CSMD1: variants seen among roughly 807,000 people sequenced by gnomAD.
CSMD1 encodes CUB and sushi domain-containing protein 1.
CSMD1 carries 213 observed loss-of-function variants against 417.5 expected under a neutral mutation model. That is an observed-to-expected ratio of 0.51 (90% CI 0.46 to 0.57). The LOEUF (loss-of-function observed/expected upper bound fraction) is 0.57, where lower values mean the gene tolerates loss of function less well. CSMD1 is among the 20% of genes least tolerant of loss of function. CSMD1 has a pLI of 0.00. For missense variants in CSMD1, 6,923 were observed against 4,529.7 expected, an observed-to-expected ratio of 1.53 and a Z score of -15.17; for synonymous variants, 2,862 against 1,736.8, an observed-to-expected ratio of 1.65 and a Z score of -16.11.
chr8:4,246,741 TTAAA>T (rs1253097542), intron 3 of CSMD1, among the ~76,000 whole-genome samples: 1 of 152,132 alleles, frequency 6.6e-6, no homozygotes, highest in Non-Finnish European at 1.5e-5. Flanking sequence ...TTGTATTTAT[TTAAA>T]TAAAGAAAAC....
At chr8:4,271,014 G>A (rs185923086) in intron 3 of CSMD1, among the ~76,000 whole-genome samples, 130 of 152,314 alleles carry the variant, frequency 8.5e-4, no homozygotes, top group African/African-American at 3.0e-3. Flanking sequence ...TATGAGAGCA[G>A]GTCCTAGTGG....
chr8:4,236,026 G>GTTTTTTTT (rs147378202), intron 3 of CSMD1, among the ~76,000 whole-genome samples: 4 of 108,086 alleles, frequency 3.7e-5, no homozygotes, highest in African/African-American at 1.7e-4. Context: ...AATGGATATT[G>GTTTTTTTT]TTTTTTTTGT....
intron 3 of CSMD1, among the ~76,000 whole-genome samples, chr8:4,128,050 T>A (rs114262958): frequency 0.028 from 4,261 of 152,224 alleles, 202 homozygotes; most frequent in African/African-American, 0.096. Context: ...ATTTATAACA[T>A]CTCAAGAGCA....
chr8:4,410,981 T>C (rs761202621), intron 3 of CSMD1, among the ~76,000 whole-genome samples: 6 of 152,188 alleles, frequency 3.9e-5, no homozygotes, highest in Non-Finnish European at 8.8e-5. Flanking sequence ...TGGATTGTTA[T>C]ACAGTGAGGT....
At chr8:4,381,563 G>T (rs1030007333) in intron 3 of CSMD1, among the ~76,000 whole-genome samples, 8 of 152,018 alleles carry the variant, frequency 5.3e-5, no homozygotes, top group South Asian at 2.1e-4. Flanking sequence ...AGATATGATT[G>T]CAATTCTGCC....
chr8:4,984,475 T>C (rs533290497), intron 1 of CSMD1, among the ~76,000 whole-genome samples: 7 of 152,272 alleles, frequency 4.6e-5, no homozygotes, highest in Middle Eastern at 3.4e-3. Flanking sequence ...ATAGGACCAT[T>C]TACCTGCTTG....
intron 11 of CSMD1, among the ~76,000 whole-genome samples, chr8:3,472,927 C>A (rs1032764023): frequency 1.3e-5 from 2 of 152,004 alleles, no homozygotes; most frequent in Admixed American, 6.5e-5. Flanking sequence ...ATGTTTTTCA[C>A]ACCACTGTTT....
At chr8:3,242,707 A>G (rs1430695618) in intron 26 of CSMD1, among the ~76,000 whole-genome samples, 8 of 151,960 alleles carry the variant, frequency 5.3e-5, no homozygotes, top group Non-Finnish European at 8.8e-5. Flanking sequence ...AAGGTTGCCC[A>G]TAGTGAAGGA....
intron 5 of CSMD1, among the ~76,000 whole-genome samples, chr8:3,870,835 C>T (rs896099726): frequency 2.0e-4 from 30 of 152,190 alleles, no homozygotes; most frequent in African/African-American, 6.7e-4. Flanking sequence ...GAAGCATCTC[C>T]AACATTAACA....
At chr8:3,353,561 C>T (rs994377890) in intron 21 of CSMD1, among the ~76,000 whole-genome samples, 4 of 152,168 alleles carry the variant, frequency 2.6e-5, no homozygotes, top group East Asian at 3.9e-4. Flanking sequence ...GGGCAGTATC[C>T]CGTAGGACGT....
At chr8:3,360,997 G>A (rs1412510311) in intron 20 of CSMD1, among the ~76,000 whole-genome samples, 1 of 152,052 alleles carries the variant, frequency 6.6e-6, no homozygotes, top group Non-Finnish European at 1.5e-5. Flanking sequence ...AAGCTCTGAG[G>A]TGGATACTTT....
At chr8:4,840,352 G>C (rs1049039010) in intron 1 of CSMD1, among the ~76,000 whole-genome samples, 1 of 152,208 alleles carries the variant, frequency 6.6e-6, no homozygotes, top group Non-Finnish European at 1.5e-5. Flanking sequence ...ATGCAATGAT[G>C]ATAACTGTAT....
chr8:3,109,579 C>A (rs750319), intron 43 of CSMD1, among the ~76,000 whole-genome samples: 4,490 of 152,186 alleles, frequency 0.03, 220 homozygotes, highest in African/African-American at 0.1. Flanking sequence ...CCATATCTGG[C>A]CTTGGAGCTC....
chr8:3,693,420 A>G (rs963367388), intron 7 of CSMD1, among the ~76,000 whole-genome samples: 3 of 152,132 alleles, frequency 2.0e-5, no homozygotes, highest in Non-Finnish European at 2.9e-5. Flanking sequence ...TAGGCTGACA[A>G]TTGTGGGTGG....
intron 3 of CSMD1, among the ~76,000 whole-genome samples, chr8:4,359,234 T>A (rs920887639): frequency 2.0e-5 from 3 of 152,204 alleles, no homozygotes; most frequent in African/African-American, 7.2e-5. Context: ...GGGGTGTCCC[T>A]CCTTCTGAGA....
intron 1 of CSMD1, among the ~76,000 whole-genome samples, chr8:4,855,516 A>T (rs1443104398): frequency 6.6e-6 from 1 of 152,116 alleles, no homozygotes; most frequent in Non-Finnish European, 1.5e-5. Context: ...AAAACTTTGA[A>T]AAAAATTTAG....
chr8:4,593,902 TCA>T (rs757440302), intron 2 of CSMD1, among the ~76,000 whole-genome samples: 8 of 152,288 alleles, frequency 5.3e-5, no homozygotes, highest in Admixed American at 4.6e-4. Context: ...ATTTATTGTC[TCA>T]CAGTTTTGAG....
At chr8:3,469,817 G>C (rs1287824194) in intron 11 of CSMD1, among the ~76,000 whole-genome samples, 2 of 152,162 alleles carry the variant, frequency 1.3e-5, no homozygotes, top group Admixed American at 1.3e-4. Flanking sequence ...CTCATGCAAT[G>C]TTACACACAA....
rs141409096 is a variant in CSMD1, at chr8:4,746,344, G to T, written c.86-108786C>A. 3.4e-3 allele frequency among the ~76,000 whole-genome samples: 522 copies of T among 152,262 alleles called. 4 individuals are homozygous for T. The highest frequency in any genetic ancestry group is 0.011 in the African/African-American group (464 of 41,542). Reference sequence around the variant, plus strand: ...AGCGACTGTAGGCACTTTGGCAGGGGTTCAAGGGCTATGGTTTTAAGCGTT... The same window carrying T: ...AGCGACTGTAGGCACTTTGGCAGGGTTTCAAGGGCTATGGTTTTAAGCGTT... On this transcript the variant is annotated intron_variant, in intron 1 of 69. Transcript: ENST00000635120.
Sources: gnomAD v4.1 joint callset for allele counts (sites outside exome capture counted in the v4.1 genomes callset) on GRCh38, gnomAD v4.1.1 for gene constraint, MANE v1.5 for transcripts, NCBI Gene and HGNC (gene_info 2026-07-23, HGNC 2026-07-21) for gene names.